Variants in TNC observed in about 807,000 individuals in gnomAD.
The protein encoded by TNC is tenascin C, also known as tenascin.
Under a neutral mutation model 202.4 loss-of-function variants are expected in TNC, and 109 were observed. The ratio of observed to expected loss-of-function variants is 0.54; its 90% CI spans 0.46 to 0.63. The LOEUF is 0.63. Ranked by LOEUF, TNC falls within the 30% of genes least tolerant of loss-of-function variation. The probability of loss-of-function intolerance (pLI) is 0.00; values close to 1 mark genes in which losing one functional copy is unlikely to be tolerated. For missense variants in TNC, 2,756 were observed against 2,833.3 expected, an observed-to-expected ratio of 0.97 and a Z score of 0.62; for synonymous variants, 1,007 against 1,089.7, an observed-to-expected ratio of 0.92 and a Z score of 1.50.
chr9:115,091,168 T>A lies in TNC; in HGVS notation c.-136-14A>T. ...AAGAATTATTTTCTACAAGCAAAGA[T>A]GAACAAAAAAATTATGAGTATCTAC... On this transcript the variant is annotated splice_polypyrimidine_tract_variant and intron_variant, in intron 1 of 27. Transcript: ENST00000350763. 1.5e-6 allele frequency: 1 copy of A among 652,576 alleles called. No homozygotes were observed. Among genetic ancestry groups the A allele is most frequent in the Non-Finnish European group, 2.6e-6 (1 of 385,824 alleles). 40.4% of individuals were successfully genotyped at this position (652,576 alleles called of 1,614,324 possible).
intron 1 of TNC, among the ~76,000 whole-genome samples, chr9:115,110,005 T>A (rs938485148): frequency 1.3e-5 from 2 of 152,174 alleles, no homozygotes; most frequent in Admixed American, 6.5e-5. Context: ...GGAACTATAT[T>A]GTCAAGAGGG....
intron 1 of TNC, among the ~76,000 whole-genome samples, chr9:115,094,313 G>C (rs1427319443): frequency 1.3e-5 from 2 of 152,096 alleles, no homozygotes; most frequent in African/African-American, 4.8e-5. Context: ...GCAGCAACTT[G>C]GATCTAGATC....
Position 115,063,032 on chromosome 9 carries a change from G to A in TNC, c.3918C>T (p.Gly1306=). Residue 1306 remains glycine (G), a synonymous_variant, in exon 13 of 28, where the codon GGC becomes GGT. Coordinates refer to ENST00000350763, the MANE Select transcript of TNC (RefSeq NM_002160.4). ...VEEAHNLTVP[G]SLRSMEIPGL... ...CTGGGATTTCCATGGAACGCAGGCTGCCAGGAACCGTGAGATTGTGAGCCT... is the reference window on the plus strand; with the variant it reads ...CTGGGATTTCCATGGAACGCAGGCTACCAGGAACCGTGAGATTGTGAGCCT... 6.2e-7 allele frequency: 1 copy of A among 1,614,108 alleles called. No individual in the cohort carries two copies. The highest frequency in any genetic ancestry group is 8.5e-7 in the Non-Finnish European group (1 of 1,180,028).
chr9:115,021,343 A>C, intron 27 of TNC, 76 bp from the exon 28 acceptor site: 1 of 982,138 alleles, frequency 1.0e-6, no homozygotes, highest in Non-Finnish European at 1.6e-6. Context: ...CGAGGTGTTC[A>C]CTGATCATTG....
intron 27 of TNC, among the ~76,000 whole-genome samples, chr9:115,021,836 C>T (rs1416615118): frequency 6.6e-6 from 1 of 152,070 alleles, no homozygotes; most frequent in African/African-American, 2.4e-5. Flanking sequence ...CTCGGTTTTA[C>T]TATTTTTTTT....
chr9:115,082,647 T>C (rs1402697506), intron 5 of TNC, 45 bp downstream of exon 5: 3 of 1,441,124 alleles, frequency 2.1e-6, no homozygotes, highest in South Asian at 1.2e-5. Context: ...TGGTCATCTT[T>C]CAAATCCTTG....
At chr9:115,102,549 G>T (rs1044659502) in intron 1 of TNC, among the ~76,000 whole-genome samples, 1 of 152,084 alleles carries the variant, frequency 6.6e-6, no homozygotes, top group African/African-American at 2.4e-5. Context: ...AGGTTTATCA[G>T]GTAACTTTGG....
chr9:115,051,743 G>A (rs886281691), intron 15 of TNC, among the ~76,000 whole-genome samples: 9 of 151,762 alleles, frequency 5.9e-5, no homozygotes, highest in Non-Finnish European at 1.0e-4. Flanking sequence ...ACAGGATTTC[G>A]ATCTTAGGCC....
In TNC at chr9:115,048,541, AG is replaced by A; in HGVS notation, c.4580-10del. The A allele has an allele frequency of 6.2e-7, 1 of 1,606,298 alleles. No individual in the cohort carries two copies. The highest frequency in any genetic ancestry group is 1.1e-5 in the South Asian group (1 of 90,746). Reference sequence around the variant, plus strand: ...CAGAAGGGGCAGGGCCTCTGAAAGAAGGGAGGAGTGAAAATAACTCAGGTTA... The same window carrying A: ...CAGAAGGGGCAGGGCCTCTGAAAGAAGGAGGAGTGAAAATAACTCAGGTTA... On this transcript the variant is annotated splice_polypyrimidine_tract_variant and intron_variant, in intron 15 of 27. Transcript: ENST00000350763.
intron 14 of TNC, 133 bp downstream of exon 14, chr9:115,059,597 G>T: frequency 1.1e-6 from 1 of 940,738 alleles, no homozygotes; most frequent in Non-Finnish European, 1.6e-6. Context: ...GGAGGTCTCT[G>T]AGCATGCACA....
In TNC at chr9:115,020,809, C is replaced by T. The variant is rs189408217; in HGVS notation, c.*348G>A. ...TAATTATACAGCTTCATGTAAAATA[C>T]GGCTGGTTCTAAAACAAACTACCCC... On this transcript the variant is annotated 3_prime_UTR_variant, in exon 28 of 28. Coordinates refer to ENST00000350763, the MANE Select transcript of TNC (RefSeq NM_002160.4). The T allele has an allele frequency of 2.7e-3, 748 of 279,396 alleles. 2 individuals carry two copies. The highest frequency in any genetic ancestry group is 0.015 in the African/African-American group (704 of 45,972). 17.3% of individuals were successfully genotyped at this position (279,396 alleles called of 1,614,324 possible). A position where few individuals can be genotyped will look rare whatever the true frequency, so the allele number is the denominator to read the frequency against.
At chr9:115,088,915 A>G (rs2133591153) in intron 2 of TNC, among the ~76,000 whole-genome samples, 1 of 152,260 alleles carries the variant, frequency 6.6e-6, no homozygotes, top group Admixed American at 6.5e-5. Flanking sequence ...TGAAAAACCA[A>G]TATTTTGGCT....
intron 17 of TNC, among the ~76,000 whole-genome samples, chr9:115,043,550 G>A (rs1830938202): frequency 1.3e-5 from 2 of 152,196 alleles, no homozygotes; most frequent in South Asian, 4.1e-4. Flanking sequence ...CACCCACAGG[G>A]ATGTTTTGAG....
chr9:115,098,242 T>C (rs547308564), intron 1 of TNC, among the ~76,000 whole-genome samples: 14 of 152,368 alleles, frequency 9.2e-5, no homozygotes, highest in African/African-American at 2.6e-4. Context: ...TACTGTGAGA[T>C]AAAAATTTAT....
chr9:115,069,994 C>T (rs1170075569), intron 10 of TNC, among the ~76,000 whole-genome samples: 2 of 151,838 alleles, frequency 1.3e-5, no homozygotes, highest in East Asian at 3.9e-4. Flanking sequence ...GAAATGCTGA[C>T]TCTGAAGTAG....
At chr9:115,077,273 G>A (rs1350531971) in intron 7 of TNC, among the ~76,000 whole-genome samples, 1 of 151,928 alleles carries the variant, frequency 6.6e-6, no homozygotes, top group South Asian at 2.1e-4. Flanking sequence ...AGCCAGAATG[G>A]TCTCAATCTC....
chr9:115,082,788 G>A lies in TNC; in HGVS notation c.2151C>T (p.Gly717=). ...TCTCCTTGATGGACTTGAATTTCAG[G>A]CCTTCAGGTGCAGGTAAGTCTGTAA... The part of the protein sequence containing the change: ...RVATYLPAPE[G]LKFKSIKETS... The change falls in exon 5 of 28, where the codon GGC becomes GGT. Residue 717 remains glycine, a synonymous_variant. Coordinates refer to ENST00000350763, the MANE Select transcript of TNC (RefSeq NM_002160.4). 6.2e-7 allele frequency: 1 copy of A among 1,613,710 alleles called. No homozygotes were observed. Among genetic ancestry groups the A allele is most frequent in the East Asian group, 2.2e-5 (1 of 44,870 alleles).
rs766639381 is a variant in TNC, at chr9:115,078,173, G to C, written c.2444C>G (p.Thr815Arg). 7.4e-6 allele frequency: 12 copies of C among 1,611,254 alleles called. No homozygotes were observed. Among genetic ancestry groups the C allele is most frequent in the Middle Eastern group, 1.7e-4 (1 of 6,052 alleles). ...CCAGGTGATCAAGGCAGTGGTGTCT[G>C]TGACATCTTTCACCTCGATCTGGCT... The part of the protein sequence containing the change: ...APSQIEVKDV[T>R]DTTALITWFK... Residue 815 changes from threonine (T) to arginine (R), a missense_variant, in exon 7 of 28, where the codon ACA becomes AGA. Around this residue, in one of 2 missense-constraint regions of TNC, gnomAD observed 2,559 missense variants for 2,546.0 expected, o/e 1.01. Transcript: ENST00000350763.
chr9:115,023,177 C>G (rs1463973539), intron 27 of TNC, among the ~76,000 whole-genome samples: 1 of 152,122 alleles, frequency 6.6e-6, no homozygotes, highest in Non-Finnish European at 1.5e-5. Flanking sequence ...TCATAAGCAT[C>G]CTTGTGGTCC....
Sources: allele counts gnomAD v4.1 joint callset (sites outside exome capture counted in the v4.1 genomes callset), GRCh38; gene constraint gnomAD v4.1.1; regional missense constraint gnomAD v4.1.1; transcripts MANE v1.5; gene names NCBI Gene and HGNC (gene_info 2026-07-23, HGNC 2026-07-21).